Variants in GALNT5 observed in about 807,000 individuals in gnomAD.
The protein encoded by GALNT5 is polypeptide N-acetylgalactosaminyltransferase 5.
Under a neutral mutation model 85.4 loss-of-function variants are expected in GALNT5, and 72 were observed. The observed-to-expected ratio is 0.84, with a 90% CI of 0.70 to 1.03. The LOEUF (loss-of-function observed/expected upper bound fraction) is 1.03, where lower values mean the gene tolerates loss of function less well. Among genes scored for constraint, GALNT5 ranks in the 50% least tolerant of loss-of-function variants. GALNT5 has a pLI of 0.00. For missense variants in GALNT5, 1,137 were observed against 1,135.5 expected, an observed-to-expected ratio of 1.00 and a Z score of -0.02; for synonymous variants, 404 against 397.0, an observed-to-expected ratio of 1.02 and a Z score of -0.21.
chr2:157,302,631 A>G (rs1389659765), intron 7 of GALNT5: 1 of 151,704 alleles, frequency 6.6e-6, no homozygotes, highest in African/African-American at 2.4e-5. Flanking sequence ...TTCCCATTCC[A>G]GCAACGCAGA....
chr2:157,308,128 C>T (rs1683492137), intron 8 of GALNT5, among the ~76,000 whole-genome samples: 1 of 152,180 alleles, frequency 6.6e-6, no homozygotes, highest in South Asian at 2.1e-4. Context: ...CTGGTATCTC[C>T]CTGTAGCCAC....
intron 9 of GALNT5, 77 bp from the exon 10 acceptor site, chr2:157,311,131 T>A (rs184243174): frequency 1.5e-4 from 168 of 1,141,036 alleles, no homozygotes; most frequent in African/African-American, 3.6e-4. Flanking sequence ...TCCATTTTTT[T>A]AATTGATTTT....
intron 3 of GALNT5, among the ~76,000 whole-genome samples, chr2:157,286,760 C>A (rs1682983348): frequency 6.6e-6 from 1 of 152,122 alleles, no homozygotes; most frequent in Admixed American, 6.5e-5. Flanking sequence ...CCTCGGCCTC[C>A]CAAAGTGCTG....
rs1279220799 is a variant in GALNT5 at position 157,314,634 on chromosome 2, C to A, written c.*3286C>A. On this transcript the variant is annotated 3_prime_UTR_variant, in exon 10 of 10. Transcript: ENST00000259056. Reference sequence around the variant, plus strand: ...ATACCATTTACAGTATATAGGAGTCCAATATTCCCAACCAACCTTGATTTC... The same window carrying A: ...ATACCATTTACAGTATATAGGAGTCAAATATTCCCAACCAACCTTGATTTC... 6.6e-6 allele frequency among the ~76,000 whole-genome samples: 1 copy of A among 152,140 alleles called. No homozygotes were observed. The highest frequency in any genetic ancestry group is 1.5e-5 in the Non-Finnish European group (1 of 68,026).
In GALNT5 at chr2:157,306,058, T is replaced by A. The variant is rs1250939848; in HGVS notation, c.2520+229T>A. On this transcript the variant is annotated intron_variant, in intron 8 of 9. Transcript: ENST00000259056. The stretch of plus-strand genomic sequence containing the variant: ...ATGAATCCAGTCCTGGCACCATCAT[T>A]TGCAAAAGCGTGTTAACGTCTGCAG... Among the ~76,000 whole-genome samples the A allele has an allele frequency of 2.0e-5, 3 of 152,184 alleles. No homozygotes were observed. In the South Asian group the frequency reaches 6.2e-4, roughly 32 times the overall value.
chr2:157,295,921 A>G, intron 4 of GALNT5, 123 bp downstream of exon 4: 1 of 683,408 alleles, frequency 1.5e-6, no homozygotes, highest in Non-Finnish European at 2.4e-6. Flanking sequence ...CAGTTTATCT[A>G]CTTAAATAAA....
chr2:157,285,190 G>T (rs1381513004), intron 2 of GALNT5, among the ~76,000 whole-genome samples: 1 of 152,200 alleles, frequency 6.6e-6, no homozygotes, highest in Non-Finnish European at 1.5e-5. Flanking sequence ...AGTTTCTTTA[G>T]CTTCAGAGTT....
chr2:157,278,415 C>G (rs1682785796), intron 1 of GALNT5, among the ~76,000 whole-genome samples: 1 of 152,186 alleles, frequency 6.6e-6, no homozygotes, highest in Non-Finnish European at 1.5e-5. Flanking sequence ...TGTTTTCCAA[C>G]TTGGTTCCAT....
chr2:157,299,079 G>C (rs1455471101), intron 5 of GALNT5: 1 of 157,074 alleles, frequency 6.4e-6, no homozygotes, highest in African/African-American at 2.4e-5. Context: ...GGAGACAGCC[G>C]CCTAGCCAGC....
At position 157,257,933 on chromosome 2, in the gene GALNT5, C is replaced by A; in HGVS notation, c.-150C>A. 1 of 762,134 alleles carries A rather than the reference C, an allele frequency of 1.3e-6. No individual in the cohort carries two copies. The allele number at this position is 762,134 out of a possible 1,614,324, so 47.2% of individuals were successfully genotyped here. A position where few individuals can be genotyped will look rare whatever the true frequency, so the allele number is the denominator to read the frequency against. Reference sequence around the variant, plus strand: ...CAAGCGGTAGGAACTGAGCTTTCCCCTTGGACTGCTGCTTCCTGCTGTGTT... The same window carrying A: ...CAAGCGGTAGGAACTGAGCTTTCCCATTGGACTGCTGCTTCCTGCTGTGTT... On this transcript the variant is annotated 5_prime_UTR_variant, in exon 1 of 10. Coordinates refer to ENST00000259056, the MANE Select transcript of GALNT5 (RefSeq NM_014568.3).
rs373340326 is a variant in GALNT5 at position 157,279,429 on chromosome 2, G to A, written c.1455-4853G>A. Among the ~76,000 whole-genome samples, 10 of 152,270 alleles carry A rather than the reference G, an allele frequency of 6.6e-5. No individual in the cohort carries two copies. The East Asian group carries it at 1.3e-3, about 21-fold the overall frequency. Reference sequence around the variant, plus strand: ...TTTGTTCAGCTATGCCCTACTCACAGAGGTGGAGTCTACAGAGGCAGTAGG... The same window carrying A: ...TTTGTTCAGCTATGCCCTACTCACAAAGGTGGAGTCTACAGAGGCAGTAGG... On this transcript the variant is annotated intron_variant, in intron 1 of 9. Transcript: ENST00000259056.
chr2:157,280,947 C>T (rs1376274933), intron 1 of GALNT5, among the ~76,000 whole-genome samples: 1 of 152,182 alleles, frequency 6.6e-6, no homozygotes, highest in Non-Finnish European at 1.5e-5. Context: ...CTCCCTGAGG[C>T]CTCACCAAGA....
Position 157,308,620 on chromosome 2 carries a change from T to C in GALNT5, c.2574T>C (p.Cys858=). ...GACTTATTAAATGTGGAGAATGGTG[T>C]ATAGCCCCCATCCCTGATAAAGGAG... ...WLRLIKCGEW[C]IAPIPDKGAV... The change falls in exon 9 of 10, where the codon TGT becomes TGC. Residue 858 remains cysteine (C), a synonymous_variant. Transcript: ENST00000259056. 1.9e-6 allele frequency: 3 copies of C among 1,613,524 alleles called. No individual in the cohort carries two copies.
Position 157,284,384 on chromosome 2 carries a change from C to T in GALNT5, c.1557C>T (p.Val519=). The T allele has an allele frequency of 6.2e-7, 1 of 1,613,954 alleles. No homozygotes were observed. Among genetic ancestry groups the T allele is most frequent in the South Asian group, 1.1e-5 (1 of 91,080 alleles). ...CTCTCCTGAGATCTGTTCACAGTGT[C>T]ATCAATCGCTCTCCTCCACACCTCA... ...WSTLLRSVHS[V]INRSPPHLIK... The change falls in exon 2 of 10, where the codon GTC becomes GTT. Residue 519 remains valine (V), a synonymous_variant. Coordinates refer to ENST00000259056, the MANE Select transcript of GALNT5 (RefSeq NM_014568.3).
intron 3 of GALNT5, among the ~76,000 whole-genome samples, chr2:157,292,169 A>C (rs1683114751): frequency 6.6e-6 from 1 of 152,210 alleles, no homozygotes; most frequent in Admixed American, 6.5e-5. Flanking sequence ...TAACCTGGCT[A>C]GGAAAAGCAG....
chr2:157,308,415 C>A (rs1461506358), intron 8 of GALNT5, 152 bp from the exon 9 acceptor site: 5 of 639,866 alleles, frequency 7.8e-6, no homozygotes, highest in African/African-American at 1.8e-5. Context: ...TATGCCCATA[C>A]TATCAGAATT....
intron 8 of GALNT5, among the ~76,000 whole-genome samples, chr2:157,306,338 T>C (rs1211113422): frequency 1.3e-5 from 2 of 152,194 alleles, no homozygotes; most frequent in African/African-American, 4.8e-5. Context: ...CATTCTTCTT[T>C]CCCCTCATTT....
rs138164328 is a variant in GALNT5, at chr2:157,283,902, T to A, written c.1455-380T>A. On this transcript the variant is annotated intron_variant, in intron 1 of 9. Transcript: ENST00000259056. Reference sequence around the variant, plus strand: ...AGGCACAGAGAAGTTAAAGAAGGCATTAATGGTTAAAGACCTGAGAAATAT... The same window carrying A: ...AGGCACAGAGAAGTTAAAGAAGGCAATAATGGTTAAAGACCTGAGAAATAT... Among the ~76,000 whole-genome samples the A allele has an allele frequency of 3.3e-5, 5 of 152,308 alleles. No homozygotes were observed. In the South Asian group the frequency reaches 1.0e-3, roughly 32 times the overall value.
At position 157,313,112 on chromosome 2, in the gene GALNT5, A is replaced by G. The variant is rs1452660483; in HGVS notation, c.*1764A>G. The G allele has an allele frequency of 2.0e-5, 3 of 152,204 alleles. No individual in the cohort carries two copies. The highest frequency in any genetic ancestry group is 6.5e-5 in the Admixed American group (1 of 15,278). The allele number at this position is 152,204 out of a possible 1,614,324, so 9.4% of individuals were successfully genotyped here. ...AGAGAATGACTAGGAAATGAGATAC[A>G]GTTATATGACACATAATGATGTTTT... On this transcript the variant is annotated 3_prime_UTR_variant, in exon 10 of 10. Coordinates refer to ENST00000259056, the MANE Select transcript of GALNT5 (RefSeq NM_014568.3).
Sources: allele counts gnomAD v4.1 joint callset (sites outside exome capture counted in the v4.1 genomes callset), GRCh38; gene constraint gnomAD v4.1.1; transcripts MANE v1.5; gene names NCBI Gene and HGNC (gene_info 2026-07-23, HGNC 2026-07-21).